ZKSCAN1: variants seen among roughly 807,000 people sequenced by gnomAD.
The protein encoded by ZKSCAN1 is zinc finger with KRAB and SCAN domains 1, also known as zinc finger protein with KRAB and SCAN domains 1.
ZKSCAN1 carries 14 observed loss-of-function variants against 51.6 expected under a neutral mutation model. That is an observed-to-expected ratio of 0.27 (90% confidence interval 0.18 to 0.42). The LOEUF (loss-of-function observed/expected upper bound fraction) is 0.42, where lower values mean the gene tolerates loss of function less well. ZKSCAN1 is among the 10% of genes least tolerant of loss of function. The pLI is 1.00. For missense variants in ZKSCAN1, 531 were observed against 710.0 expected (o/e 0.75, Z 2.86); for synonymous variants, 263 against 261.5 (o/e 1.01, Z -0.06).
downstream of ZKSCAN1, among the ~76,000 whole-genome samples, chr7:100,043,603 G>A (rs1264642193): frequency 6.7e-6 from 1 of 149,896 alleles, no homozygotes; most frequent in East Asian, 2.0e-4. Flanking sequence ...CAAATTCCTG[G>A]GCCTCAAGCA....
At chr7:100,022,118 G>A (rs563024304) in intron 1 of ZKSCAN1, among the ~76,000 whole-genome samples, 3 of 152,252 alleles carry the variant, frequency 2.0e-5, no homozygotes, top group Admixed American at 6.5e-5. Context: ...GCAGTGGCGC[G>A]ATCTCGGCTC....
At position 100,023,618 on chromosome 7, in the gene ZKSCAN1, TG is replaced by T; in HGVS notation, c.117del (p.Gln40ArgfsTer38). ...VEEEDEEDHM[W>X]GQDSTLQDTP... ...AGAGGAAGATGAGGAAGACCACATG[TG>T]GGGGCAGGATTCCACCCTACAGGAC... On this transcript the variant is annotated frameshift_variant, in exon 2 of 6. Coordinates refer to ENST00000324306, the MANE Select transcript of ZKSCAN1 (RefSeq NM_003439.4). LOFTEE classifies it high-confidence loss of function. 6.2e-7 allele frequency: 1 copy of T among 1,613,928 alleles called. No individual in the cohort carries two copies. Among genetic ancestry groups the T allele is most frequent in the Non-Finnish European group, 8.5e-7 (1 of 1,180,010 alleles).
Position 100,041,507 on chromosome 7 carries a change from G to T in ZKSCAN1, c.*7310G>T. Reference sequence around the variant, plus strand: ...AGTTTTAATCATAAGAGAAAAGGCAGCATAATGAAATGTGTACACATACAT... The same window carrying T: ...AGTTTTAATCATAAGAGAAAAGGCATCATAATGAAATGTGTACACATACAT... On this transcript the variant is annotated 3_prime_UTR_variant, in exon 6 of 6. Coordinates refer to ENST00000324306, the MANE Select transcript of ZKSCAN1 (RefSeq NM_003439.4). 1.0e-6 allele frequency: 1 copy of T among 985,394 alleles called. No homozygotes were observed. Among genetic ancestry groups the T allele is most frequent in the Non-Finnish European group, 1.2e-6 (1 of 829,936 alleles). 61.0% of individuals were successfully genotyped at this position (985,394 alleles called of 1,614,324 possible).
chr7:100,038,856 G>T lies in ZKSCAN1; in HGVS notation c.*4659G>T, dbSNP rs532545136. The T allele has an allele frequency of 5.5e-5, 26 of 472,934 alleles. No individual in the cohort carries two copies. The highest frequency in any genetic ancestry group is 5.3e-4 in the African/African-American group (25 of 47,332). 29.3% of individuals were successfully genotyped at this position (472,934 alleles called of 1,614,324 possible). ...TAAAAATACAAAAAAATAGCTGGGCGTGGTGGCGGGCGCCTGTAGTCCCAG... is the reference window on the plus strand; with the variant it reads ...TAAAAATACAAAAAAATAGCTGGGCTTGGTGGCGGGCGCCTGTAGTCCCAG... On this transcript the variant is annotated 3_prime_UTR_variant, in exon 6 of 6. Transcript: ENST00000324306.
chr7:100,024,215 T>C lies in ZKSCAN1; in HGVS notation c.488T>C (p.Val163Ala). ...AGGGGGATGGTGCCTCTGGATCCAG[T>C]TCAGGAGTCCTCGAGCTTTGACCTT... ...LARGMVPLDPVQESSSFDLHH... is the reference protein window; with the variant it reads ...LARGMVPLDPAQESSSFDLHH... Residue 163 changes from valine (V) to alanine (A), a missense_variant, in exon 3 of 6, where the codon GTT becomes GCT. Physicochemically the swap from Val to Ala is moderately conservative, Grantham distance 64 (BLOSUM62 0). Around this residue, in one of 2 missense-constraint regions of ZKSCAN1, gnomAD observed 403 missense variants for 490.5 expected, o/e 0.82. Coordinates refer to ENST00000324306, the MANE Select transcript of ZKSCAN1 (RefSeq NM_003439.4). The C allele has an allele frequency of 6.2e-7, 1 of 1,614,058 alleles. No homozygotes were observed. Among genetic ancestry groups the C allele is most frequent in the South Asian group, 1.1e-5 (1 of 91,068 alleles).
rs995534282 is a variant in ZKSCAN1, at chr7:100,037,622, A to G, written c.*3425A>G. On this transcript the variant is annotated 3_prime_UTR_variant, in exon 6 of 6. Transcript: ENST00000324306. Reference sequence around the variant, plus strand: ...TGTAAATAAACTTGATGAATATTATATGTGAGGAAAACTTTCATGTATAGC... The same window carrying G: ...TGTAAATAAACTTGATGAATATTATGTGTGAGGAAAACTTTCATGTATAGC... The G allele has an allele frequency of 1.0e-6, 1 of 985,466 alleles. No homozygotes were observed. The highest frequency in any genetic ancestry group is 1.2e-6 in the Non-Finnish European group (1 of 829,932). The allele number at this position is 985,466 out of a possible 1,614,324, so 61.0% of individuals were successfully genotyped here. A position where few individuals can be genotyped will look rare whatever the true frequency, so the allele number is the denominator to read the frequency against.
Position 100,022,856 on chromosome 7 carries a change from G to A in ZKSCAN1, c.-88-563G>A, listed in dbSNP as rs777252780. 2.6e-5 allele frequency among the ~76,000 whole-genome samples: 4 copies of A among 152,152 alleles called. No individual in the cohort carries two copies. In the South Asian group the frequency reaches 8.3e-4, roughly 32 times the overall value. On this transcript the variant is annotated intron_variant, in intron 1 of 5. Coordinates refer to ENST00000324306, the MANE Select transcript of ZKSCAN1 (RefSeq NM_003439.4). ...GCTCTCTGGGCTGGGCACTGTTAAT[G>A]CTCCATTTCGTAACCTGCTGTCAAC... is the stretch of plus-strand genomic sequence containing the variant.
At position 100,037,228 on chromosome 7, in the gene ZKSCAN1, C is replaced by G. The variant is rs1336897783; in HGVS notation, c.*3031C>G. The G allele has an allele frequency of 4.1e-6, 4 of 985,410 alleles. No individual in the cohort carries two copies. The highest frequency in any genetic ancestry group is 5.2e-4 in the Middle Eastern group (1 of 1,914). 61.0% of individuals were successfully genotyped at this position (985,410 alleles called of 1,614,324 possible). On this transcript the variant is annotated 3_prime_UTR_variant, in exon 6 of 6. Coordinates refer to ENST00000324306, the MANE Select transcript of ZKSCAN1 (RefSeq NM_003439.4). ...GAAGTCTGTTAACAGTTGAAACATT[C>G]TACAGTTAACCATTAGCATGCTAGT...
rs954630427 is a variant in ZKSCAN1, at chr7:100,035,300, G to A, written c.*1103G>A. 1 of 152,188 alleles carries A rather than the reference G, an allele frequency of 6.6e-6. No homozygotes were observed. Among genetic ancestry groups the A allele is most frequent in the Non-Finnish European group, 1.5e-5 (1 of 68,022 alleles). The allele number at this position is 152,188 out of a possible 1,614,324, so 9.4% of individuals were successfully genotyped here. A position where few individuals can be genotyped will look rare whatever the true frequency, so the allele number is the denominator to read the frequency against. On this transcript the variant is annotated 3_prime_UTR_variant, in exon 6 of 6. Transcript: ENST00000324306. ...TGCTGTTTTTGTTCCAAATATAAAC[G>A]AAAGGCACTAGTCAGCCGCCTGCAT...
chr7:100,038,070 A>G lies in ZKSCAN1; in HGVS notation c.*3873A>G, dbSNP rs1791439414. On this transcript the variant is annotated 3_prime_UTR_variant, in exon 6 of 6. Coordinates refer to ENST00000324306, the MANE Select transcript of ZKSCAN1 (RefSeq NM_003439.4). The stretch of plus-strand genomic sequence containing the variant: ...GCTCAATCTTAACTGCAGAGGATCT[A>G]CAGATGAAAAAAAATGTGGGGAAAT... 1.0e-6 allele frequency: 1 copy of G among 985,102 alleles called. No individual in the cohort carries two copies. Among genetic ancestry groups the G allele is most frequent in the African/African-American group, 1.7e-5 (1 of 57,228 alleles). The allele number at this position is 985,102 out of a possible 1,614,324, so 61.0% of individuals were successfully genotyped here.
chr7:100,030,164 C>G, intron 4 of ZKSCAN1, 85 bp from the exon 5 acceptor site: 1 of 1,557,666 alleles, frequency 6.4e-7, no homozygotes, highest in African/African-American at 1.4e-5. Context: ...GCTTTGCAGC[C>G]ACCTCTCTTC....
In ZKSCAN1 at chr7:100,039,756, G is replaced by C. The variant is rs1452069351; in HGVS notation, c.*5559G>C. On this transcript the variant is annotated 3_prime_UTR_variant, in exon 6 of 6. Coordinates refer to ENST00000324306, the MANE Select transcript of ZKSCAN1 (RefSeq NM_003439.4). The stretch of plus-strand genomic sequence containing the variant: ...CAGGGTGGGGGCCATATTTCTCTGT[G>C]TCCTACTCTGAGCAACTTCTCAGAG... 2 of 985,278 alleles carry C rather than the reference G, an allele frequency of 2.0e-6. No individual in the cohort carries two copies. Among genetic ancestry groups the C allele is most frequent in the African/African-American group, 3.5e-5 (2 of 57,226 alleles). 61.0% of individuals were successfully genotyped at this position (985,278 alleles called of 1,614,324 possible).
Position 100,030,346 on chromosome 7 carries a change from A to T in ZKSCAN1, c.770A>T (p.Gln257Leu). 6.2e-7 allele frequency: 1 copy of T among 1,614,126 alleles called. No individual in the cohort carries two copies. The highest frequency in any genetic ancestry group is 8.5e-7 in the Non-Finnish European group (1 of 1,180,024). The change falls in exon 5 of 6, where the codon CAG (glutamine) becomes CTG (leucine). Residue 257 changes from glutamine to leucine, a missense_variant. By Grantham distance (113) the Gln-to-Leu change is moderately radical (BLOSUM62 -2). Transcript: ENST00000324306. ...ARRNLSRDNR[Q>L]ENYGSAFPQG... ...AGGAATCTCAGTAGGGACAACAGGC[A>T]GGAGAATTATGGGAGCGCATTTCCC...
chr7:100,035,847 A>G lies in ZKSCAN1; in HGVS notation c.*1650A>G, dbSNP rs1316031876. ...GATGGCAGGAGACTGTTTCACACAC[A>G]GGAGATTGTGAGCTGTGTAAGTAGT... On this transcript the variant is annotated 3_prime_UTR_variant, in exon 6 of 6. Coordinates refer to ENST00000324306, the MANE Select transcript of ZKSCAN1 (RefSeq NM_003439.4). 1.0e-6 allele frequency: 1 copy of G among 985,084 alleles called. No homozygotes were observed. Among genetic ancestry groups the G allele is most frequent in the African/African-American group, 1.7e-5 (1 of 57,340 alleles). The allele number at this position is 985,084 out of a possible 1,614,324, so 61.0% of individuals were successfully genotyped here.
In ZKSCAN1 at chr7:100,030,101, A is replaced by G. The variant is rs1417756913; in HGVS notation, c.673-148A>G. 8.5e-6 allele frequency: 12 copies of G among 1,403,890 alleles called. 1 individual carries two copies. In the African/African-American group the frequency reaches 1.7e-4, roughly 20 times the overall value. 87.0% of individuals were successfully genotyped at this position (1,403,890 alleles called of 1,614,324 possible). A position where few individuals can be genotyped will look rare whatever the true frequency, so the allele number is the denominator to read the frequency against. ...CTCCTTTTAGCATCTTTCTACCACA[A>G]ACTCCCCTCCACCCCCAGGTTCTGG... On this transcript the variant is annotated intron_variant, in intron 4 of 5. Coordinates refer to ENST00000324306, the MANE Select transcript of ZKSCAN1 (RefSeq NM_003439.4).
chr7:100,043,731 C>CAG (rs1373581009), downstream of ZKSCAN1, among the ~76,000 whole-genome samples: 1 of 151,358 alleles, frequency 6.6e-6, no homozygotes, highest in East Asian at 1.9e-4. Flanking sequence ...TCCCACCCTC[C>CAG]ATATCTACTT....
intron 3 of ZKSCAN1, among the ~76,000 whole-genome samples, chr7:100,029,261 T>C (rs1265203098): frequency 6.6e-6 from 1 of 151,792 alleles, no homozygotes; most frequent in East Asian, 1.9e-4. Flanking sequence ...GTTTTTTTTG[T>C]TGTTGTTTTT....
chr7:100,018,117 A>C (rs1308431391), intron 1 of ZKSCAN1, among the ~76,000 whole-genome samples: 1 of 152,218 alleles, frequency 6.6e-6, no homozygotes, highest in Admixed American at 6.5e-5. Context: ...AGAGAGGTTA[A>C]CTTGTTGACT....
At chr7:100,027,573 C>T (rs971833424) in intron 3 of ZKSCAN1, among the ~76,000 whole-genome samples, 1 of 151,192 alleles carries the variant, frequency 6.6e-6, no homozygotes, top group African/African-American at 2.4e-5. Context: ...ACGGTGAAAC[C>T]CCGTCTCTCC....
Sources: gnomAD v4.1 joint callset for allele counts (sites outside exome capture counted in the v4.1 genomes callset) on GRCh38, gnomAD v4.1.1 for gene constraint, gnomAD v4.1.1 regional missense constraint, MANE v1.5 for transcripts, NCBI Gene and HGNC (gene_info 2026-07-23, HGNC 2026-07-21) for gene names.